Variants in XPNPEP1 observed in about 807,000 individuals in gnomAD.
The protein encoded by XPNPEP1 is X-prolyl aminopeptidase 1.
XPNPEP1 carries 39 observed loss-of-function variants against 92.4 expected under a neutral mutation model. The observed-to-expected ratio is 0.42, with a 90% confidence interval of 0.33 to 0.55. The LOEUF (loss-of-function observed/expected upper bound fraction) is 0.55. XPNPEP1 is among the 20% of genes least tolerant of loss of function. XPNPEP1 has a pLI of 0.08. For missense variants in XPNPEP1, 654 were observed against 856.1 expected (o/e 0.76, Z 2.95); for synonymous variants, 307 against 299.4 (o/e 1.03, Z -0.26).
chr10:109,921,571 A>G (rs1481299463), intron 1 of XPNPEP1, among the ~76,000 whole-genome samples: 1 of 152,182 alleles, frequency 6.6e-6, no homozygotes, highest in Non-Finnish European at 1.5e-5. Context: ...ATGGGGCAAA[A>G]CAAGGAACAA....
intron 19 of XPNPEP1, among the ~76,000 whole-genome samples, chr10:109,869,175 G>A (rs948610239): frequency 2.0e-5 from 3 of 152,216 alleles, no homozygotes; most frequent in Non-Finnish European, 4.4e-5. Flanking sequence ...ACAAGAACAT[G>A]TCGGGTTTCT....
At position 109,865,140 on chromosome 10, in the gene XPNPEP1, T is replaced by A; in HGVS notation, c.*44A>T. On this transcript the variant is annotated 3_prime_UTR_variant, in exon 21 of 21. Coordinates refer to ENST00000502935, the MANE Select transcript of XPNPEP1 (RefSeq NM_020383.4). ...GTCAGGGATCTGCCACGTTTCTTCC[T>A]TCCTCCAGAGCATTTTACAAAAACA... 6.2e-7 allele frequency: 1 copy of A among 1,610,362 alleles called. No individual in the cohort carries two copies. Among genetic ancestry groups the A allele is most frequent in the Non-Finnish European group, 8.5e-7 (1 of 1,176,774 alleles).
In XPNPEP1 at chr10:109,882,640, A is replaced by T; in HGVS notation, c.833T>A (p.Leu278His). 1 of 1,614,120 alleles carries T rather than the reference A, an allele frequency of 6.2e-7. No homozygotes were observed. The highest frequency in any genetic ancestry group is 1.1e-5 in the South Asian group (1 of 91,084). The change falls in exon 10 of 21, where the codon CTC becomes CAC. Residue 278 changes from leucine (L) to histidine (H), a missense_variant and splice_region_variant. Transcript: ENST00000502935. ...YAIIGLETIM[L>H]FIDGDRIDAP... The stretch of plus-strand genomic sequence containing the variant: ...GTCTATGCGGTCACCATCAATGAAG[A>T]GCCTGCAGATGGAGGAGAGGTGGGT...
chr10:109,869,900 G>A (rs565364169), intron 19 of XPNPEP1, 53 bp downstream of exon 19: 175 of 1,575,810 alleles, frequency 1.1e-4, no homozygotes, highest in African/African-American at 1.9e-4. Flanking sequence ...AGGTCTATCC[G>A]AGGCGTGATT....
intron 15 of XPNPEP1, among the ~76,000 whole-genome samples, chr10:109,875,082 T>A (rs1290269942): frequency 1.3e-5 from 2 of 152,160 alleles, no homozygotes; most frequent in Non-Finnish European, 2.9e-5. Flanking sequence ...ATGATAGCCG[T>A]GAAAGCAGCA....
At chr10:109,897,491 G>C (rs1849047627) in intron 3 of XPNPEP1, among the ~76,000 whole-genome samples, 1 of 152,034 alleles carries the variant, frequency 6.6e-6, no homozygotes, top group African/African-American at 2.4e-5. Flanking sequence ...ACACCTACTA[G>C]TCAATAACTG....
intron 20 of XPNPEP1, 133 bp downstream of exon 20, chr10:109,868,481 A>T: frequency 2.4e-6 from 2 of 822,116 alleles, no homozygotes; most frequent in Non-Finnish European, 3.8e-6. Context: ...CAACTGGCCT[A>T]GACCTCTAAA....
intron 3 of XPNPEP1, chr10:109,893,961 C>T (rs1186172786): frequency 6.6e-6 from 1 of 152,190 alleles, no homozygotes; most frequent in African/African-American, 2.4e-5. Context: ...AGACCAATAG[C>T]AAATGAGAAA....
At chr10:109,877,631 A>G (rs1847855390) in intron 14 of XPNPEP1, 159 bp downstream of exon 14, 1 of 919,914 alleles carries the variant, frequency 1.1e-6, no homozygotes, top group Non-Finnish European at 1.6e-6. Context: ...GGATTGGGAG[A>G]AAATAAAATC....
At chr10:109,906,754 C>G (rs531088181) in intron 3 of XPNPEP1, among the ~76,000 whole-genome samples, 69 of 152,314 alleles carry the variant, frequency 4.5e-4, no homozygotes, top group African/African-American at 1.2e-3. Flanking sequence ...TTCCCTGTTT[C>G]TTTGCCTTTG....
At chr10:109,902,594 G>C (rs1849341608) in intron 3 of XPNPEP1, among the ~76,000 whole-genome samples, 1 of 152,202 alleles carries the variant, frequency 6.6e-6, no homozygotes, top group Non-Finnish European at 1.5e-5. Flanking sequence ...ATGTAAGACA[G>C]ACAGCTAAGC....
intron 8 of XPNPEP1, chr10:109,884,423 T>C: frequency 2.7e-6 from 1 of 373,702 alleles, no homozygotes; most frequent in South Asian, 4.0e-5. Context: ...TCCTGAGAAC[T>C]GCCCCCACAA....
At position 109,891,823 on chromosome 10, in the gene XPNPEP1, G is replaced by A. The variant is rs769752529; in HGVS notation, c.314C>T (p.Thr105Ile). 8 of 1,611,178 alleles carry A rather than the reference G, an allele frequency of 5.0e-6. No individual in the cohort carries two copies. The highest frequency in any genetic ancestry group is 6.8e-6 in the Non-Finnish European group (8 of 1,179,168). ...TGCATGCTCTTCTGTGATGATGGCT[G>A]TGCCTGAAGCAGGGGAGAAAAAAAA... ...FVSGFDGSAG[T>I]AIITEEHAAM... The change falls in exon 5 of 21, where the codon ACA (threonine) becomes ATA (isoleucine). Residue 105 changes from threonine to isoleucine, a missense_variant. Physicochemically the swap from Thr to Ile is moderately conservative, Grantham distance 89 (BLOSUM62 -1). Transcript: ENST00000502935.
intron 3 of XPNPEP1, among the ~76,000 whole-genome samples, chr10:109,901,874 T>C (rs1256812683): frequency 1.3e-5 from 2 of 152,242 alleles, no homozygotes; most frequent in Non-Finnish European, 2.9e-5. Flanking sequence ...AAACTTCCCA[T>C]ATTTGAAACC....
At chr10:109,888,642 C>T (rs746577609) in intron 5 of XPNPEP1, 47 bp from the exon 6 acceptor site, 3 of 1,435,710 alleles carry the variant, frequency 2.1e-6, no homozygotes, top group Non-Finnish European at 2.9e-6. Context: ...TGGGCCCACG[C>T]TCATTATCCC....
rs186298808 is a variant in XPNPEP1, at chr10:109,868,735, G to T, written c.1774-23C>A. 289 of 1,600,986 alleles carry T rather than the reference G, an allele frequency of 1.8e-4. 1 individual carries two copies. In the African/African-American group the frequency reaches 3.6e-3, roughly 20 times the overall value. ...ATACTGCGGGAGAAAGAAGAAAACAGATGCTTTTACTCCTCTTTACTATGC... is the reference window on the plus strand; with the variant it reads ...ATACTGCGGGAGAAAGAAGAAAACATATGCTTTTACTCCTCTTTACTATGC... On this transcript the variant is annotated intron_variant, in intron 19 of 20. Transcript: ENST00000502935.
chr10:109,896,500 G>A (rs1357357723), intron 3 of XPNPEP1, among the ~76,000 whole-genome samples: 1 of 150,300 alleles, frequency 6.7e-6, no homozygotes, highest in Non-Finnish European at 1.5e-5. Context: ...GAACTTCTGG[G>A]CTCAAGTGAT....
chr10:109,871,134 T>TA (rs536914956), intron 17 of XPNPEP1: 110 of 428,234 alleles, frequency 2.6e-4, no homozygotes, highest in African/African-American at 2.1e-3. Flanking sequence ...TGAGCGGGGA[T>TA]AGACACCTAC....
At chr10:109,887,828 C>CT (rs1331679245) in intron 7 of XPNPEP1, among the ~76,000 whole-genome samples, 1 of 152,232 alleles carries the variant, frequency 6.6e-6, no homozygotes, top group Non-Finnish European at 1.5e-5. Flanking sequence ...CCCAAACGAG[C>CT]TTTGCGAAAA....
Sources: allele counts gnomAD v4.1 joint callset (sites outside exome capture counted in the v4.1 genomes callset), GRCh38; gene constraint gnomAD v4.1.1; transcripts MANE v1.5; gene names NCBI Gene and HGNC (gene_info 2026-07-23, HGNC 2026-07-21).